CADPS: variants seen among roughly 807,000 people sequenced by gnomAD.
The protein encoded by CADPS is calcium-dependent secretion activator 1.
CADPS carries 57 observed loss-of-function variants against 167.3 expected under a neutral mutation model. The ratio of observed to expected loss-of-function variants is 0.34; its 90% CI spans 0.28 to 0.42. The LOEUF (loss-of-function observed/expected upper bound fraction) is 0.42, where lower values mean the gene tolerates loss of function less well. Among genes scored for constraint, CADPS ranks in the 20% least tolerant of loss-of-function variants. CADPS has a pLI of 1.00. For synonymous variants in CADPS, 676 were observed against 635.3 expected (o/e 1.06, Z -0.96); for missense variants, 1,414 against 1,738.1 (o/e 0.81, Z 3.32).
Position 62,433,055 on chromosome 3 carries a change from A to T in CADPS, c.3777+5049T>A, listed in dbSNP as rs114035258. Reference sequence around the variant, plus strand: ...AGCTGGTGATATACCTTACAGATATAGCGTCATGTCCTCCTTGTAGCCTAT... The same window carrying T: ...AGCTGGTGATATACCTTACAGATATTGCGTCATGTCCTCCTTGTAGCCTAT... On this transcript the variant is annotated intron_variant, in intron 28 of 29. Transcript: ENST00000383710. The surrounding 1 kb of genome is among the most constrained non-coding windows in gnomAD (Gnocchi z 4.7). Among the ~76,000 whole-genome samples the T allele has an allele frequency of 7.6e-3, 1,159 of 152,260 alleles. 19 individuals carry two copies. Among genetic ancestry groups the T allele is most frequent in the African/African-American group, 0.026 (1,095 of 41,540 alleles).
chr3:62,424,235 G>C (rs1341365738), intron 28 of CADPS, among the ~76,000 whole-genome samples: 2 of 152,112 alleles, frequency 1.3e-5, no homozygotes, highest in Non-Finnish European at 2.9e-5. Flanking sequence ...CCAGGTTGGA[G>C]TGCAGTGGCA....
At chr3:62,523,142 C>T (rs1297730289) in intron 13 of CADPS, among the ~76,000 whole-genome samples, 3 of 152,270 alleles carry the variant, frequency 2.0e-5, no homozygotes, top group Admixed American at 6.5e-5. Context: ...CACAGTCTCC[C>T]ATCTTGAGCC....
At chr3:62,683,205 T>G (rs898944630) in intron 3 of CADPS, among the ~76,000 whole-genome samples, 1 of 151,940 alleles carries the variant, frequency 6.6e-6, no homozygotes, top group East Asian at 1.9e-4. Flanking sequence ...ATTGAAAAAT[T>G]TAAAGCTAGA....
At chr3:62,479,848 G>C (rs1414587338) in intron 22 of CADPS, among the ~76,000 whole-genome samples, 1 of 152,168 alleles carries the variant, frequency 6.6e-6, no homozygotes. Flanking sequence ...GGGGGAATGC[G>C]TTGTTTCTCC....
At chr3:62,477,007 A>T (rs1315271910) in intron 23 of CADPS, among the ~76,000 whole-genome samples, 1 of 152,122 alleles carries the variant, frequency 6.6e-6, no homozygotes, top group Non-Finnish European at 1.5e-5. Context: ...AATACTAAAA[A>T]ATCTGGATCA....
intron 26 of CADPS, among the ~76,000 whole-genome samples, chr3:62,448,184 G>A (rs2150010743): frequency 6.6e-6 from 1 of 152,230 alleles, no homozygotes; most frequent in African/African-American, 2.4e-5. Flanking sequence ...TTCAAGCATC[G>A]GTGGTCAGAG....
At chr3:62,683,158 A>C (rs530283586) in intron 3 of CADPS, among the ~76,000 whole-genome samples, 1 of 152,140 alleles carries the variant, frequency 6.6e-6, no homozygotes, top group East Asian at 1.9e-4. Context: ...GGGAAAGCTA[A>C]GCGTCTCTAT....
rs138159627 is a variant in CADPS at position 62,555,991 on chromosome 3, G to T, written c.1753+1414C>A. Among the ~76,000 whole-genome samples the T allele has an allele frequency of 4.4e-3, 662 of 152,174 alleles. 21 individuals are homozygous for T. The highest frequency in any genetic ancestry group is 0.036 in the Admixed American group (544 of 15,278). ...CTTGTCGTGAACTTTGGTCTCAAGCGATCCTCTCGCCTTGGGATTGCAGAT... is the reference window on the plus strand; with the variant it reads ...CTTGTCGTGAACTTTGGTCTCAAGCTATCCTCTCGCCTTGGGATTGCAGAT... On this transcript the variant is annotated intron_variant, in intron 10 of 29. Coordinates refer to ENST00000383710, the MANE Select transcript of CADPS (RefSeq NM_003716.4).
At chr3:62,551,994 T>C (rs1264473306) in intron 10 of CADPS, among the ~76,000 whole-genome samples, 1 of 152,100 alleles carries the variant, frequency 6.6e-6, no homozygotes, top group Non-Finnish European at 1.5e-5. Context: ...GTGCAGGTAG[T>C]TTTTGTCTAT....
chr3:62,657,964 A>G (rs2072131946), intron 4 of CADPS, among the ~76,000 whole-genome samples: 1 of 152,186 alleles, frequency 6.6e-6, no homozygotes, highest in Non-Finnish European at 1.5e-5. Flanking sequence ...AATCTGCCTA[A>G]TGCTGCTGCT....
Position 62,437,340 on chromosome 3 carries a change from C to CTT in CADPS, c.3777+762_3777+763dup, listed in dbSNP as rs11295364. On this transcript the variant is annotated intron_variant, in intron 28 of 29. Coordinates refer to ENST00000383710, the MANE Select transcript of CADPS (RefSeq NM_003716.4). ...GGCAATTTGAGACTGAAGCAGGTTC[C>CTT]TTTTTTTTTTTTTTTTTTTCTTTTT... 2.9e-3 allele frequency among the ~76,000 whole-genome samples: 377 copies of CTT among 128,200 alleles called. 4 individuals are homozygous for CTT. Among genetic ancestry groups the CTT allele is most frequent in the African/African-American group, 0.01 (349 of 34,496 alleles). The allele number at this position is 128,200 out of a possible 152,430, so 84.1% of individuals were successfully genotyped here. A position where few individuals can be genotyped will look rare whatever the true frequency, so the allele number is the denominator to read the frequency against.
chr3:62,432,185 T>A (rs1003542817), intron 28 of CADPS, among the ~76,000 whole-genome samples: 1 of 152,104 alleles, frequency 6.6e-6, no homozygotes, highest in South Asian at 2.1e-4. Context: ...ATGATAAGGA[T>A]GATGATGATA....
chr3:62,849,132 C>T (rs1160154236), intron 1 of CADPS, among the ~76,000 whole-genome samples: 4 of 151,362 alleles, frequency 2.6e-5, no homozygotes, highest in East Asian at 1.9e-4. Flanking sequence ...ATTTTGTATC[C>T]TGAGACTTTG....
intron 7 of CADPS, among the ~76,000 whole-genome samples, chr3:62,585,988 T>G (rs1206993835): frequency 6.6e-6 from 1 of 152,160 alleles, no homozygotes; most frequent in Non-Finnish European, 1.5e-5. Flanking sequence ...GAGATGGCAG[T>G]TTGATTTGGG....
chr3:62,840,731 C>T (rs1311580008), intron 1 of CADPS, among the ~76,000 whole-genome samples: 2 of 152,038 alleles, frequency 1.3e-5, no homozygotes, highest in African/African-American at 4.8e-5. Flanking sequence ...TGTTTTCAGA[C>T]TTTAATATAA....
intron 28 of CADPS, among the ~76,000 whole-genome samples, chr3:62,436,788 A>C (rs955605057): frequency 5.3e-5 from 8 of 152,142 alleles, no homozygotes. Flanking sequence ...TTAAAAAGTA[A>C]GAAGGGTTTT....
intron 8 of CADPS, among the ~76,000 whole-genome samples, chr3:62,576,357 T>A (rs1342887262): frequency 2.6e-5 from 4 of 152,222 alleles, no homozygotes; most frequent in Non-Finnish European, 5.9e-5. Flanking sequence ...AAGATGGGGA[T>A]AACCTAACAG....
chr3:62,795,089 A>G lies in CADPS; in HGVS notation c.442-29105T>C, dbSNP rs1232673433. ...GAACTCAGACTCTCCATCTCTCTTG[A>G]CGGAAAATGGCCATATAATTAAAGA... is the stretch of plus-strand genomic sequence containing the variant. On this transcript the variant is annotated intron_variant, in intron 1 of 29. Coordinates refer to ENST00000383710, the MANE Select transcript of CADPS (RefSeq NM_003716.4). Among the ~76,000 whole-genome samples the G allele has an allele frequency of 3.9e-5, 6 of 152,114 alleles. No homozygotes were observed. In the East Asian group the frequency reaches 5.8e-4, roughly 15 times the overall value.
intron 1 of CADPS, among the ~76,000 whole-genome samples, chr3:62,776,173 C>T (rs2090237327): frequency 6.6e-6 from 1 of 152,166 alleles, no homozygotes; most frequent in African/African-American, 2.4e-5. Flanking sequence ...AATCTACTAC[C>T]AGCAAGGTAG....
Sources: allele counts gnomAD v4.1 joint callset (sites outside exome capture counted in the v4.1 genomes callset), GRCh38; gene constraint gnomAD v4.1.1; non-coding constraint Gnocchi (gnomAD v3.1); transcripts MANE v1.5; gene names NCBI Gene and HGNC (gene_info 2026-07-23, HGNC 2026-07-21).